ATCAY: variants seen among roughly 807,000 people sequenced by gnomAD.
ATCAY encodes caytaxin.
A neutral mutation model predicts 47.7 loss-of-function variants in ATCAY; 22 were observed. The ratio of observed to expected loss-of-function variants is 0.46; its 90% CI spans 0.33 to 0.66. ATCAY has a LOEUF of 0.66. Among genes scored for constraint, ATCAY ranks in the 30% least tolerant of loss-of-function variants. ATCAY has a pLI of 0.02. For synonymous variants in ATCAY, 216 were observed against 207.6 expected (o/e 1.04, Z -0.35); for missense variants, 452 against 515.0 (o/e 0.88, Z 1.18).
At chr19:3,881,699 T>TGGGGGTC (rs2038601018) in intron 1 of ATCAY, among the ~76,000 whole-genome samples, 1 of 32,658 alleles carries the variant, frequency 3.1e-5, no homozygotes, top group African/African-American at 1.2e-4. Flanking sequence ...TGGCAGGGGG[T>TGGGGGTC]GGGGGTCGGG....
intron 2 of ATCAY, among the ~76,000 whole-genome samples, chr19:3,899,833 G>A (rs1043263596): frequency 2.6e-5 from 4 of 152,170 alleles, no homozygotes; most frequent in African/African-American, 9.6e-5. Flanking sequence ...CAAGGAGCCA[G>A]TGCTCCTGGG....
rs894672256 is a variant in ATCAY at position 3,880,700 on chromosome 19, G to A, written c.-350G>A. The A allele has an allele frequency of 3.9e-5, 6 of 152,202 alleles. No homozygotes were observed. Among genetic ancestry groups the A allele is most frequent in the African/African-American group, 1.2e-4 (5 of 41,396 alleles). The allele number at this position is 152,202 out of a possible 1,614,324, so 9.4% of individuals were successfully genotyped here. On this transcript the variant is annotated 5_prime_UTR_variant, in exon 1 of 13. Transcript: ENST00000450849. The stretch of plus-strand genomic sequence containing the variant: ...GAAGCCGAGCCTCTGCCAGCCCTGA[G>A]CTGGGAAGAAGCAGCTACCTCGGAG...
chr19:3,894,122 G>A (rs1029932302), intron 2 of ATCAY, among the ~76,000 whole-genome samples: 4 of 152,072 alleles, frequency 2.6e-5, no homozygotes, highest in African/African-American at 9.7e-5. Context: ...GGAGGCCAAG[G>A]CGGGAGGATC....
At chr19:3,906,528 C>G (rs898496127) in intron 4 of ATCAY, among the ~76,000 whole-genome samples, 1 of 151,824 alleles carries the variant, frequency 6.6e-6, no homozygotes, top group African/African-American at 2.4e-5. Context: ...GTCTCAAACT[C>G]CTGACTTCAA....
intron 7 of ATCAY, among the ~76,000 whole-genome samples, chr19:3,909,968 A>G (rs11671414): frequency 0.079 from 12,034 of 152,216 alleles, 813 homozygotes; most frequent in East Asian, 0.36. Context: ...GCATGCCTGT[A>G]GTCCCAGCTA....
intron 1 of ATCAY, among the ~76,000 whole-genome samples, chr19:3,884,604 G>A (rs556625857): frequency 3.3e-5 from 5 of 152,292 alleles, no homozygotes; most frequent in African/African-American, 9.6e-5. Flanking sequence ...GCACAAGAGG[G>A]AGGGTAAGTC....
chr19:3,919,536 G>A (rs1165522072), intron 11 of ATCAY, among the ~76,000 whole-genome samples: 3 of 152,098 alleles, frequency 2.0e-5, no homozygotes, highest in African/African-American at 2.4e-5. Flanking sequence ...AGGTTGCAGT[G>A]AGCCGAGATC....
intron 9 of ATCAY, among the ~76,000 whole-genome samples, chr19:3,916,720 T>TC (rs1363572245): frequency 1.3e-5 from 2 of 151,962 alleles, no homozygotes; most frequent in African/African-American, 4.8e-5. Flanking sequence ...GGTCTCAAAC[T>TC]CCCCACCTCA....
At chr19:3,913,731 A>G (rs1427877285) in intron 8 of ATCAY, 27 bp from the exon 9 acceptor site, 1 of 1,579,142 alleles carries the variant, frequency 6.3e-7, no homozygotes, top group Non-Finnish European at 8.7e-7. Flanking sequence ...TGCATTTCAG[A>G]CCTCTCCCTC....
At position 3,920,672 on chromosome 19, in the gene ATCAY, A is replaced by C. The variant is rs73530339; in HGVS notation, c.1074-94A>C. 1,111 of 1,115,552 alleles carry C rather than the reference A, an allele frequency of 1.0e-3. 19 individuals carry two copies. In the African/African-American group the frequency reaches 0.017, roughly 17 times the overall value. 69.1% of individuals were successfully genotyped at this position (1,115,552 alleles called of 1,614,324 possible). A position where few individuals can be genotyped will look rare whatever the true frequency, so the allele number is the denominator to read the frequency against. On this transcript the variant is annotated intron_variant, in intron 11 of 12. Transcript: ENST00000450849. Reference sequence around the variant, plus strand: ...CCCTGTATCTTAATAATAATAAATAAATAAAAATAAAATAAGTTAAAGAAA... The same window carrying C: ...CCCTGTATCTTAATAATAATAAATACATAAAAATAAAATAAGTTAAAGAAA...
intron 1 of ATCAY, among the ~76,000 whole-genome samples, chr19:3,881,863 A>ACCC (rs199717917): frequency 2.0e-4 from 20 of 100,486 alleles, no homozygotes; most frequent in African/African-American, 8.6e-4. Flanking sequence ...GGCTGCTGCC[A>ACCC]CCGCCCCCCC....
At chr19:3,912,215 G>C (rs892365941) in intron 8 of ATCAY, among the ~76,000 whole-genome samples, 1 of 152,154 alleles carries the variant, frequency 6.6e-6, no homozygotes, top group Admixed American at 6.6e-5. Context: ...GCTCACACCT[G>C]TAATCCCAAC....
Position 3,896,879 on chromosome 19 carries a change from C to T in ATCAY, c.78-5608C>T, listed in dbSNP as rs953539375. 6.6e-5 allele frequency among the ~76,000 whole-genome samples: 10 copies of T among 151,990 alleles called. No homozygotes were observed. In the South Asian group the frequency reaches 1.7e-3, roughly 25 times the overall value. On this transcript the variant is annotated intron_variant, in intron 2 of 12. Transcript: ENST00000450849. ...GCAACCTCCACCTCCCAGGTTCAAG[C>T]GATTCTCCTGCCTCAGCCTCACCAA...
chr19:3,890,247 ATTTTTTTTTT>A (rs764697276), intron 2 of ATCAY, among the ~76,000 whole-genome samples: 14 of 38,552 alleles, frequency 3.6e-4, no homozygotes, highest in Admixed American at 1.8e-3. Flanking sequence ...TCCACCTATA[ATTTTTTTTTT>A]TTTTTTTTTT....
At chr19:3,887,731 C>T (rs1388764528) in intron 2 of ATCAY, among the ~76,000 whole-genome samples, 2 of 150,762 alleles carry the variant, frequency 1.3e-5, no homozygotes, top group East Asian at 4.0e-4. Context: ...CGTGATCCGC[C>T]CACCTCGGCC....
chr19:3,908,026 C>G, intron 5 of ATCAY, 107 bp downstream of exon 5: 1 of 1,422,772 alleles, frequency 7.0e-7, no homozygotes, highest in East Asian at 2.5e-5. Flanking sequence ...AAGCCGTCAA[C>G]TCGCTTCGGG....
chr19:3,905,898 C>T (rs1004579766), intron 4 of ATCAY, among the ~76,000 whole-genome samples: 2 of 151,640 alleles, frequency 1.3e-5, no homozygotes, highest in Non-Finnish European at 2.9e-5. Flanking sequence ...GGTGGCTGGG[C>T]GCAGTGGCTC....
At chr19:3,891,527 A>G (rs375740916) in intron 2 of ATCAY, among the ~76,000 whole-genome samples, 1 of 151,860 alleles carries the variant, frequency 6.6e-6, no homozygotes, top group African/African-American at 2.4e-5. Flanking sequence ...AGCTGGGTTC[A>G]TGGCACTTCT....
Position 3,894,344 on chromosome 19 carries a change from C to T in ATCAY, c.78-8143C>T, listed in dbSNP as rs2038745717. On this transcript the variant is annotated intron_variant, in intron 2 of 12. Transcript: ENST00000450849. ...CTAAAAATACAAAAAATTAGCTGGG[C>T]GTGGTGGCAGGCGCCTGTAGTCCCA... Among the ~76,000 whole-genome samples, 13 of 151,816 alleles carry T rather than the reference C, an allele frequency of 8.6e-5. 1 individual carries two copies. The South Asian group carries it at 2.7e-3, about 32-fold the overall frequency.
Sources: allele counts gnomAD v4.1 joint callset (sites outside exome capture counted in the v4.1 genomes callset), GRCh38; gene constraint gnomAD v4.1.1; transcripts MANE v1.5; gene names NCBI Gene and HGNC (gene_info 2026-07-23, HGNC 2026-07-21).